ELP4: variants seen among roughly 807,000 people sequenced by gnomAD.
ELP4 encodes the protein elongator complex protein 4.
A neutral mutation model predicts 48.9 loss-of-function variants in ELP4; 51 were observed. The observed-to-expected ratio is 1.04, with a 90% CI of 0.83 to 1.32. The LOEUF (loss-of-function observed/expected upper bound fraction) is 1.32, where lower values mean the gene tolerates loss of function less well. Among genes scored for constraint, ELP4 ranks in the 40% most tolerant of loss-of-function variants. ELP4 has a pLI of 0.00. For missense variants in ELP4, 519 were observed against 514.6 expected (o/e 1.01, Z -0.08); for synonymous variants, 210 against 189.2 (o/e 1.11, Z -0.90).
At chr11:31,608,676 G>T (rs1957922696) in intron 5 of ELP4, among the ~76,000 whole-genome samples, 1 of 151,942 alleles carries the variant, frequency 6.6e-6, no homozygotes, top group Non-Finnish European at 1.5e-5. Context: ...TAGAAGCTTT[G>T]AATTTGGCTA....
At chr11:31,524,699 A>T (rs1956271001) in intron 2 of ELP4, among the ~76,000 whole-genome samples, 1 of 152,256 alleles carries the variant, frequency 6.6e-6, no homozygotes, top group Non-Finnish European at 1.5e-5. Context: ...ACAGAATATT[A>T]TAGTATTTCT....
rs137972488 is a variant in ELP4, at chr11:31,782,209, A to C, written c.1144-1184A>C. On this transcript the variant is annotated intron_variant, in intron 9 of 9. Transcript: ENST00000640961. The stretch of plus-strand genomic sequence containing the variant: ...GATCATGTGCACACAGCTTGTGTTT[A>C]CATGACAATAAAAAGCCTTTATTCA... Among the ~76,000 whole-genome samples, 49 of 152,386 alleles carry C rather than the reference A, an allele frequency of 3.2e-4. 1 individual carries two copies. The highest frequency in any genetic ancestry group is 1.1e-3 in the African/African-American group (47 of 41,598).
At chr11:31,555,312 A>C (rs1011180663) in intron 3 of ELP4, among the ~76,000 whole-genome samples, 3 of 151,986 alleles carry the variant, frequency 2.0e-5, no homozygotes, top group East Asian at 1.9e-4. Context: ...GCATTTTTAA[A>C]CTATTTGAAT....
intron 6 of ELP4, among the ~76,000 whole-genome samples, chr11:31,629,940 C>T (rs1944824003): frequency 6.6e-6 from 1 of 151,868 alleles, no homozygotes; most frequent in Admixed American, 6.6e-5. Flanking sequence ...AAGAATAACC[C>T]ATCATATTTT....
intron 3 of ELP4, among the ~76,000 whole-genome samples, chr11:31,543,795 G>A (rs1248446400): frequency 6.6e-6 from 1 of 152,174 alleles, no homozygotes; most frequent in East Asian, 1.9e-4. Context: ...AATGCTAAAA[G>A]AAAAACACGT....
At chr11:31,623,383 AT>A (rs1565084258) in intron 5 of ELP4, among the ~76,000 whole-genome samples, 10,668 of 127,460 alleles carry the variant, frequency 0.084, 1,219 homozygotes, top group Non-Finnish European at 0.12. Context: ...ATATATATAT[AT>A]ATATATAAAA....
At chr11:31,538,269 T>G (rs112755957) in intron 2 of ELP4, among the ~76,000 whole-genome samples, 56 of 148,732 alleles carry the variant, frequency 3.8e-4, no homozygotes, top group African/African-American at 1.2e-3. Flanking sequence ...ATAAAATATA[T>G]TAATGCAATA....
At chr11:31,734,983 A>G (rs913110046) in intron 9 of ELP4, among the ~76,000 whole-genome samples, 5 of 152,212 alleles carry the variant, frequency 3.3e-5, no homozygotes, top group Non-Finnish European at 7.3e-5. Context: ...AGTAATCAAA[A>G]CAGTATAATA....
rs939401355 is a variant in ELP4, at chr11:31,532,736, A to G, written c.260-6926A>G. Among the ~76,000 whole-genome samples, 3 of 149,024 alleles carry G rather than the reference A, an allele frequency of 2.0e-5. No individual in the cohort carries two copies. In the East Asian group the frequency reaches 5.8e-4, roughly 29 times the overall value. On this transcript the variant is annotated intron_variant, in intron 2 of 9. Coordinates refer to ENST00000640961, the MANE Select transcript of ELP4 (RefSeq NM_019040.5). Reference sequence around the variant, plus strand: ...TTTATTTTTTAATTTTTATGTTCTCAGGGTGTACAAGTACAGATTTCTTTT... The same window carrying G: ...TTTATTTTTTAATTTTTATGTTCTCGGGGTGTACAAGTACAGATTTCTTTT...
rs527655537 is a variant in ELP4, at chr11:31,770,235, AG to A, written c.1144-13156del. Among the ~76,000 whole-genome samples the A allele has an allele frequency of 1.4e-4, 22 of 152,282 alleles. No individual in the cohort carries two copies. In the South Asian group the frequency reaches 4.1e-3, roughly 29 times the overall value. ...AAGCAGCAGTTGGAGACCAGCAAAA[AG>A]GTTGCCAGTGAGAAACCCAGCTACA... On this transcript the variant is annotated intron_variant, in intron 9 of 9. Coordinates refer to ENST00000640961, the MANE Select transcript of ELP4 (RefSeq NM_019040.5).
intron 5 of ELP4, among the ~76,000 whole-genome samples, chr11:31,623,217 T>C (rs1944658573): frequency 6.7e-6 from 1 of 150,308 alleles, no homozygotes. Context: ...TTTAACTGGG[T>C]TTACTTCTTG....
chr11:31,629,027 T>C (rs1302336770), intron 6 of ELP4, among the ~76,000 whole-genome samples: 1 of 152,054 alleles, frequency 6.6e-6, no homozygotes, highest in Admixed American at 6.6e-5. Context: ...AGACAGCATA[T>C]AGAAATAGAC....
intron 1 of ELP4, among the ~76,000 whole-genome samples, chr11:31,514,137 C>T (rs1332555566): frequency 6.6e-6 from 1 of 152,150 alleles, no homozygotes; most frequent in Non-Finnish European, 1.5e-5. Flanking sequence ...AAGTATACAT[C>T]TTAAAGACAT....
At chr11:31,550,029 A>C (rs991110311) in intron 3 of ELP4, among the ~76,000 whole-genome samples, 1 of 152,126 alleles carries the variant, frequency 6.6e-6, no homozygotes, top group African/African-American at 2.4e-5. Context: ...AGATATACCT[A>C]ATGCTAGATG....
intron 1 of ELP4, among the ~76,000 whole-genome samples, 200 bp downstream of exon 1, chr11:31,510,207 G>T (rs1352055663): frequency 2.0e-5 from 3 of 152,192 alleles, no homozygotes; most frequent in Non-Finnish European, 4.4e-5. Context: ...ATGTTTTAGT[G>T]CCCTCGCTCT....
chr11:31,543,934 C>T (rs541115694), intron 3 of ELP4, among the ~76,000 whole-genome samples: 1 of 152,144 alleles, frequency 6.6e-6, no homozygotes, highest in Admixed American at 6.5e-5. Context: ...GAATTCACAA[C>T]CACCAGACTT....
At chr11:31,714,985 G>T (rs746976436) in intron 9 of ELP4, 45 of 394,758 alleles carry the variant, frequency 1.1e-4, no homozygotes, top group Non-Finnish European at 1.6e-4. Context: ...CAAAGACTGT[G>T]GTATGGACAT....
At chr11:31,627,234 A>C in intron 6 of ELP4, 40 bp downstream of exon 6, 1 of 247,540 alleles carries the variant, frequency 4.0e-6, no homozygotes, top group Non-Finnish European at 7.0e-6. Flanking sequence ...TTATTTATAT[A>C]ATGTTGTTTT....
intron 9 of ELP4, among the ~76,000 whole-genome samples, chr11:31,779,391 G>A (rs1375176335): frequency 1.3e-5 from 2 of 152,180 alleles, no homozygotes; most frequent in African/African-American, 2.4e-5. Context: ...TGGCAGGCTG[G>A]GAGAAACGGA....
Sources: allele counts gnomAD v4.1 joint callset (sites outside exome capture counted in the v4.1 genomes callset), GRCh38; gene constraint gnomAD v4.1.1; transcripts MANE v1.5; gene names NCBI Gene and HGNC (gene_info 2026-07-23, HGNC 2026-07-21).